ADGRL3: variants seen among roughly 807,000 people sequenced by gnomAD.
The protein encoded by ADGRL3 is calcium-independent alpha-latrotoxin receptor 3.
In ADGRL3, 62 loss-of-function variants were observed where a neutral mutation model predicts 153.5. The observed-to-expected ratio is 0.40, with a 90% CI of 0.33 to 0.50. The LOEUF (loss-of-function observed/expected upper bound fraction) is 0.50. ADGRL3 is among the 20% of genes least tolerant of loss of function. The pLI is 0.47. For missense variants in ADGRL3, 1,641 were observed against 1,859.4 expected, an observed-to-expected ratio of 0.88 and a Z score of 2.16; for synonymous variants, 710 against 672.5, an observed-to-expected ratio of 1.06 and a Z score of -0.86.
chr4:61,597,122 A>G (rs1371986619), intron 5 of ADGRL3, among the ~76,000 whole-genome samples: 1 of 152,124 alleles, frequency 6.6e-6, no homozygotes, highest in Non-Finnish European at 1.5e-5. Context: ...CTTTCCAAAA[A>G]TGTTAAGTGC....
chr4:61,536,507 G>A (rs1451134608), intron 4 of ADGRL3, among the ~76,000 whole-genome samples: 1 of 152,034 alleles, frequency 6.6e-6, no homozygotes, highest in East Asian at 1.9e-4. Context: ...TTGTATGGAT[G>A]TCTATCTCTT....
chr4:61,203,469 A>G (rs892992600), intron 1 of ADGRL3, among the ~76,000 whole-genome samples: 1 of 152,064 alleles, frequency 6.6e-6, no homozygotes, highest in Non-Finnish European at 1.5e-5. Context: ...TGCACCTCTG[A>G]TTTTACATCC....
intron 5 of ADGRL3, among the ~76,000 whole-genome samples, chr4:61,595,607 C>T (rs1206479210): frequency 6.6e-6 from 1 of 152,126 alleles, no homozygotes; most frequent in African/African-American, 2.4e-5. Flanking sequence ...TTTGTTGCTA[C>T]AAGCTACACT....
At chr4:61,297,825 G>A (rs571150176) in intron 1 of ADGRL3, among the ~76,000 whole-genome samples, 141 of 151,456 alleles carry the variant, frequency 9.3e-4, no homozygotes, top group East Asian at 3.5e-3. Context: ...CACTACCGTC[G>A]CCACCACCAC....
intron 25 of ADGRL3, among the ~76,000 whole-genome samples, chr4:62,048,638 C>T (rs1732464372): frequency 1.3e-5 from 2 of 152,046 alleles, no homozygotes; most frequent in South Asian, 4.1e-4. Context: ...CTCAGTGAAG[C>T]CTCAAACTCC....
intron 1 of ADGRL3, among the ~76,000 whole-genome samples, chr4:61,277,830 A>C (rs568445097): frequency 2.0e-4 from 30 of 152,338 alleles, no homozygotes; most frequent in African/African-American, 6.7e-4. Context: ...ATAAATTATA[A>C]AAATAAATGC....
intron 22 of ADGRL3, among the ~76,000 whole-genome samples, chr4:62,029,229 G>C (rs1462913387): frequency 1.3e-5 from 2 of 151,506 alleles, no homozygotes; most frequent in African/African-American, 2.4e-5. Flanking sequence ...TCTGTTGTTT[G>C]TTTGGGCATC....
chr4:61,770,903 G>A lies in ADGRL3; in HGVS notation c.1399+37349G>A, dbSNP rs548705588. 1.1e-4 allele frequency among the ~76,000 whole-genome samples: 17 copies of A among 152,252 alleles called. No homozygotes were observed. In the South Asian group the frequency reaches 3.5e-3, roughly 32 times the overall value. ...CTAATGTTCTTTCTCTCTAAGTGAT[G>A]CGGGGTTTTTCCTCCTTAGCTCAAC... On this transcript the variant is annotated intron_variant, in intron 8 of 26. Coordinates refer to ENST00000683033, the MANE Select transcript of ADGRL3 (RefSeq NM_001387552.1).
intron 9 of ADGRL3, among the ~76,000 whole-genome samples, chr4:61,833,250 TA>T (rs1190601681): frequency 6.6e-6 from 1 of 152,180 alleles, no homozygotes; most frequent in African/African-American, 2.4e-5. Context: ...ACACTTGGTT[TA>T]TTTTGCATTA....
intron 1 of ADGRL3, among the ~76,000 whole-genome samples, chr4:61,290,390 A>G (rs1020492300): frequency 2.6e-5 from 4 of 152,152 alleles, no homozygotes; most frequent in Non-Finnish European, 4.4e-5. Context: ...TATCATTACA[A>G]ACTTAATGTA....
intron 1 of ADGRL3, among the ~76,000 whole-genome samples, chr4:61,379,738 T>A (rs1310394362): frequency 6.6e-6 from 1 of 152,050 alleles, no homozygotes; most frequent in Non-Finnish European, 1.5e-5. Context: ...CCACATTAAT[T>A]TATAATGGGA....
intron 4 of ADGRL3, among the ~76,000 whole-genome samples, chr4:61,523,158 C>T (rs138938031): frequency 6.6e-6 from 1 of 152,046 alleles, no homozygotes; most frequent in East Asian, 1.9e-4. Context: ...TCTTACTTTC[C>T]TTACTCCTAA....
chr4:61,651,661 G>A (rs577873006), intron 5 of ADGRL3, among the ~76,000 whole-genome samples: 39 of 151,822 alleles, frequency 2.6e-4, no homozygotes, highest in African/African-American at 9.2e-4. Flanking sequence ...AGGCTGGAGT[G>A]CAGTGGCGTG....
chr4:61,316,335 G>T (rs2095212818), intron 1 of ADGRL3, among the ~76,000 whole-genome samples: 1 of 152,124 alleles, frequency 6.6e-6, no homozygotes, highest in Non-Finnish European at 1.5e-5. Flanking sequence ...AGGCCAAGTA[G>T]GGTAAAAGAC....
At position 61,582,143 on chromosome 4, in the gene ADGRL3, A is replaced by G. The variant is rs145943392; in HGVS notation, c.260-5084A>G. Among the ~76,000 whole-genome samples the G allele has an allele frequency of 3.3e-5, 5 of 152,154 alleles. No homozygotes were observed. The East Asian group carries it at 9.7e-4, about 30-fold the overall frequency. On this transcript the variant is annotated intron_variant, in intron 4 of 26. Transcript: ENST00000683033. ...CAGTCTGAAGATTTTCATCTCTGCT[A>G]TATGGAGATTAGGCTGTAGCTCTTA...
intron 1 of ADGRL3, among the ~76,000 whole-genome samples, chr4:61,354,612 C>A (rs1482387600): frequency 1.3e-5 from 2 of 149,726 alleles, no homozygotes. Flanking sequence ...GCTTTAGTGA[C>A]CCAAATAAAA....
At chr4:61,203,108 A>T (rs866257224) in intron 1 of ADGRL3, among the ~76,000 whole-genome samples, 20 of 152,298 alleles carry the variant, frequency 1.3e-4, no homozygotes, top group African/African-American at 4.8e-4. Flanking sequence ...GGCCCTGATG[A>T]GAACCTCATA....
chr4:61,456,478 TATATATATA>T, intron 2 of ADGRL3, among the ~76,000 whole-genome samples: 3 of 125,948 alleles, frequency 2.4e-5, no homozygotes, highest in Admixed American at 9.5e-5. Context: ...TATCTATATC[TATATATATA>T]GATATATCTA....
At chr4:61,360,109 T>C (rs1186043801) in intron 1 of ADGRL3, among the ~76,000 whole-genome samples, 7 of 152,162 alleles carry the variant, frequency 4.6e-5, no homozygotes, top group Admixed American at 6.5e-5. Context: ...TATTTCTTTC[T>C]CTCATTCAAT....
Sources: allele counts gnomAD v4.1 joint callset (sites outside exome capture counted in the v4.1 genomes callset), GRCh38; gene constraint gnomAD v4.1.1; transcripts MANE v1.5; gene names NCBI Gene and HGNC (gene_info 2026-07-23, HGNC 2026-07-21).